The following OPCML variants were observed in gnomAD, a reference collection of about 807,000 sequenced individuals.
OPCML encodes opioid binding protein/cell adhesion molecule like, also known as opioid-binding protein/cell adhesion molecule.
In OPCML, 13 loss-of-function variants were observed where a neutral mutation model predicts 37.8. The observed-to-expected ratio is 0.34, with a 90% CI of 0.22 to 0.55. The LOEUF is 0.55. OPCML is among the 20% of genes least tolerant of loss of function. The probability of loss-of-function intolerance (pLI) is 0.91; values close to 1 mark genes in which losing one functional copy is unlikely to be tolerated. For synonymous variants in OPCML, 176 were observed against 168.8 expected (o/e 1.04, Z -0.33); for missense variants, 341 against 435.6 (o/e 0.78, Z 1.93).
intron 1 of OPCML, among the ~76,000 whole-genome samples, chr11:133,354,047 C>G (rs1255511315): frequency 6.6e-6 from 1 of 152,144 alleles, no homozygotes; most frequent in East Asian, 1.9e-4. Flanking sequence ...AGCAAATCCT[C>G]TCTATACTAA....
chr11:132,933,814 AG>A (rs1265419252), intron 2 of OPCML, among the ~76,000 whole-genome samples: 1 of 152,306 alleles, frequency 6.6e-6, no homozygotes, highest in African/African-American at 2.4e-5. Context: ...GGCAGAGAAA[AG>A]CACACGGCGG....
rs1003522995 is a variant in OPCML at position 133,173,905 on chromosome 11, C to A, written c.62-230895G>T. Reference sequence around the variant, plus strand: ...CTGAGGGCTGGAATGAAGATTGGACCGGGGCCGGCCGGCACTGGAGCAGCC... The same window carrying A: ...CTGAGGGCTGGAATGAAGATTGGACAGGGGCCGGCCGGCACTGGAGCAGCC... On this transcript the variant is annotated intron_variant, in intron 1 of 7. Coordinates refer to ENST00000524381, the MANE Select transcript of OPCML (RefSeq NM_001012393.5). The surrounding 1 kb of genome is among the most constrained non-coding windows in gnomAD (Gnocchi z 7.8). Among the ~76,000 whole-genome samples, 1 of 152,118 alleles carries A rather than the reference C, an allele frequency of 6.6e-6. No homozygotes were observed. The highest frequency in any genetic ancestry group is 6.5e-5 in the Admixed American group (1 of 15,270).
chr11:132,976,953 G>A (rs1946477725), intron 1 of OPCML, among the ~76,000 whole-genome samples: 1 of 152,068 alleles, frequency 6.6e-6, no homozygotes, highest in Non-Finnish European at 1.5e-5. Flanking sequence ...TCATTGTCTT[G>A]GGGACAATGT....
intron 7 of OPCML, among the ~76,000 whole-genome samples, chr11:132,429,024 AATGGATGGAGGGATGGATGGATGGATGG>A (rs1162126630): frequency 7.0e-6 from 1 of 142,672 alleles, no homozygotes; most frequent in Non-Finnish European, 1.5e-5. Context: ...TGACTAGATG[AATGGATGGAGGGATGGATGGATGGATGG>A]ATGGATGGAT....
chr11:132,816,610 G>T (rs1445689325), intron 2 of OPCML, among the ~76,000 whole-genome samples: 1 of 152,090 alleles, frequency 6.6e-6, no homozygotes, highest in Non-Finnish European at 1.5e-5. Context: ...GTGACACCTG[G>T]GTGTTCAGGG....
At chr11:133,271,178 G>C (rs999047315) in intron 1 of OPCML, among the ~76,000 whole-genome samples, 2 of 152,174 alleles carry the variant, frequency 1.3e-5, no homozygotes, top group Non-Finnish European at 2.9e-5. Context: ...AAATAAGAGG[G>C]TGATAATGCC....
At chr11:132,428,785 A>G (rs901428644) in intron 7 of OPCML, among the ~76,000 whole-genome samples, 1 of 152,246 alleles carries the variant, frequency 6.6e-6, no homozygotes, top group Non-Finnish European at 1.5e-5. Flanking sequence ...CTTCTGTCCA[A>G]TGAAAAATGA....
intron 2 of OPCML, among the ~76,000 whole-genome samples, chr11:132,845,283 A>C (rs1244300564): frequency 6.6e-6 from 1 of 152,146 alleles, no homozygotes; most frequent in Non-Finnish European, 1.5e-5. Flanking sequence ...ACAGCCCTGC[A>C]TTGCCATTTA....
chr11:132,830,344 C>T (rs988727072), intron 2 of OPCML, among the ~76,000 whole-genome samples: 1 of 152,112 alleles, frequency 6.6e-6, no homozygotes, highest in African/African-American at 2.4e-5. Flanking sequence ...ACCCATAAAG[C>T]GGTGTTGGAC....
At chr11:133,381,378 G>A (rs1467349484) in intron 1 of OPCML, among the ~76,000 whole-genome samples, 1 of 152,220 alleles carries the variant, frequency 6.6e-6, no homozygotes, top group East Asian at 1.9e-4. Context: ...TCAAATAAAT[G>A]TGTGTCAGTA....
At chr11:132,503,859 A>G (rs574299115) in intron 4 of OPCML, among the ~76,000 whole-genome samples, 95 of 152,316 alleles carry the variant, frequency 6.2e-4, no homozygotes, top group Middle Eastern at 3.4e-3. Context: ...TTCTACCTCA[A>G]TGATCCAAGG....
At chr11:132,497,346 C>T (rs1043448644) in intron 4 of OPCML, among the ~76,000 whole-genome samples, 1 of 147,162 alleles carries the variant, frequency 6.8e-6, no homozygotes, top group Non-Finnish European at 1.5e-5. Flanking sequence ...ACCACCATGG[C>T]ACACATTTAC....
intron 1 of OPCML, among the ~76,000 whole-genome samples, chr11:133,405,503 C>T (rs573225431): frequency 5.3e-5 from 8 of 152,304 alleles, no homozygotes; most frequent in African/African-American, 1.9e-4. Context: ...CAACAAGGGA[C>T]ACAAATCCAG....
chr11:133,273,726 T>C (rs746317848), intron 1 of OPCML, among the ~76,000 whole-genome samples: 1 of 152,072 alleles, frequency 6.6e-6, no homozygotes, highest in African/African-American at 2.4e-5. Flanking sequence ...TTTCCTAAAA[T>C]GGGGGCCACT....
At chr11:132,612,210 C>A (rs1591623911) in intron 3 of OPCML, among the ~76,000 whole-genome samples, 1 of 152,112 alleles carries the variant, frequency 6.6e-6, no homozygotes, top group Non-Finnish European at 1.5e-5. Context: ...AGAAGAAAAA[C>A]CAAGTGTTGT....
intron 1 of OPCML, among the ~76,000 whole-genome samples, chr11:133,451,555 T>G (rs551756404): frequency 6.6e-5 from 10 of 151,678 alleles, no homozygotes; most frequent in African/African-American, 2.4e-4. Flanking sequence ...ATTTAAAGAT[T>G]GGTTTAGGCT....
chr11:132,469,512 T>A (rs2096129216), intron 4 of OPCML, among the ~76,000 whole-genome samples: 1 of 150,164 alleles, frequency 6.7e-6, no homozygotes, highest in Non-Finnish European at 1.5e-5. Flanking sequence ...TGTGTGTGTA[T>A]GTGTGTGGGG....
rs145808849 is a variant in OPCML, at chr11:132,415,323, A to T, written c.*4870T>A. 1,526 of 152,666 alleles carry T rather than the reference A, an allele frequency of 1.0e-2. 9 individuals are homozygous for T. Among genetic ancestry groups the T allele is most frequent in the Non-Finnish European group, 0.014 (922 of 68,036 alleles). The allele number at this position is 152,666 out of a possible 1,614,324, so 9.5% of individuals were successfully genotyped here. ...CACAGCTATAACGGCACCATTGATAAGTCATAATTTTTTTTTAAATCTAAA... is the reference window on the plus strand; with the variant it reads ...CACAGCTATAACGGCACCATTGATATGTCATAATTTTTTTTTAAATCTAAA... On this transcript the variant is annotated 3_prime_UTR_variant, in exon 8 of 8. Coordinates refer to ENST00000524381, the MANE Select transcript of OPCML (RefSeq NM_001012393.5).
intron 1 of OPCML, among the ~76,000 whole-genome samples, chr11:132,944,173 T>TC (rs969356476): frequency 2.8e-5 from 4 of 144,850 alleles, no homozygotes; most frequent in South Asian, 2.4e-4. Context: ...CGCAGCGGCT[T>TC]CCCCTACAGA....
Sources: allele counts gnomAD v4.1 joint callset (sites outside exome capture counted in the v4.1 genomes callset), GRCh38; gene constraint gnomAD v4.1.1; non-coding constraint Gnocchi (gnomAD v3.1); transcripts MANE v1.5; gene names NCBI Gene and HGNC (gene_info 2026-07-23, HGNC 2026-07-21).